Variants in GALNT18 observed in about 807,000 individuals in gnomAD.
The protein encoded by GALNT18 is polypeptide N-acetylgalactosaminyltransferase 18, also known as GalNAc-transferase 18.
Under a neutral mutation model 69.5 loss-of-function variants are expected in GALNT18, and 44 were observed. That is an observed-to-expected ratio of 0.63 (90% CI 0.50 to 0.81). The LOEUF (loss-of-function observed/expected upper bound fraction) is 0.81, where lower values mean the gene tolerates loss of function less well. Ranked by LOEUF, GALNT18 falls within the 40% of genes least tolerant of loss-of-function variation. GALNT18 has a pLI of 0.00. For missense variants in GALNT18, 715 were observed against 810.0 expected, an observed-to-expected ratio of 0.88 and a Z score of 1.42; for synonymous variants, 364 against 318.2, an observed-to-expected ratio of 1.14 and a Z score of -1.53.
chr11:11,335,589 A>C (rs891850795), intron 7 of GALNT18, among the ~76,000 whole-genome samples: 1 of 152,226 alleles, frequency 6.6e-6, no homozygotes, highest in Non-Finnish European at 1.5e-5. Context: ...ATGGGACTTA[A>C]TTTGGAACCA....
rs191610387 is a variant in GALNT18 at position 11,318,552 on chromosome 11, C to T, written c.1512+8534G>A. Among the ~76,000 whole-genome samples, 52 of 152,282 alleles carry T rather than the reference C, an allele frequency of 3.4e-4. No homozygotes were observed. The highest frequency in any genetic ancestry group is 1.2e-3 in the African/African-American group (49 of 41,568). On this transcript the variant is annotated intron_variant, in intron 9 of 10. Transcript: ENST00000227756. The surrounding 1 kb of genome is among the most constrained non-coding windows in gnomAD (Gnocchi z 5.1). Reference sequence around the variant, plus strand: ...CTGAGACCGATCTCGAACTTCTAGGCTTCAGAATTGTGAGACAGTAATTTT... The same window carrying T: ...CTGAGACCGATCTCGAACTTCTAGGTTTCAGAATTGTGAGACAGTAATTTT...
rs1858555339 is a variant in GALNT18 at position 11,563,101 on chromosome 11, A to G, written c.235+58258T>C. 6.6e-6 allele frequency among the ~76,000 whole-genome samples: 1 copy of G among 152,084 alleles called. No homozygotes were observed. Among genetic ancestry groups the G allele is most frequent in the Admixed American group, 6.5e-5 (1 of 15,274 alleles). ...GCAAACAAGACTCCTCCAGCCCAGGAGGTGACCCCCCACCACACCCCACAG... is the reference window on the plus strand; with the variant it reads ...GCAAACAAGACTCCTCCAGCCCAGGGGGTGACCCCCCACCACACCCCACAG... On this transcript the variant is annotated intron_variant, in intron 1 of 10. Coordinates refer to ENST00000227756, the MANE Select transcript of GALNT18 (RefSeq NM_198516.3). The surrounding 1 kb of genome is among the most constrained non-coding windows in gnomAD (Gnocchi z 4.6).
At chr11:11,391,356 T>C (rs950282385) in intron 3 of GALNT18, among the ~76,000 whole-genome samples, 20 of 152,368 alleles carry the variant, frequency 1.3e-4, no homozygotes, top group African/African-American at 4.8e-4. Context: ...ACCCATTTTA[T>C]AGATGAGAAA....
intron 1 of GALNT18, among the ~76,000 whole-genome samples, chr11:11,608,491 C>T (rs182612876): frequency 3.6e-4 from 55 of 152,180 alleles, no homozygotes; most frequent in South Asian, 1.7e-3. Context: ...TCCTGAGTAG[C>T]CAGGATTACA....
At chr11:11,362,488 T>C (rs1033181534) in intron 6 of GALNT18, among the ~76,000 whole-genome samples, 71 of 152,030 alleles carry the variant, frequency 4.7e-4, no homozygotes, top group Non-Finnish European at 7.8e-4. Flanking sequence ...ATTCTAAAAA[T>C]AGAGAGAAGA....
chr11:11,394,983 T>C (rs1405748983), intron 3 of GALNT18, among the ~76,000 whole-genome samples: 1 of 152,210 alleles, frequency 6.6e-6, no homozygotes, highest in Non-Finnish European at 1.5e-5. Context: ...AGGGACCCAG[T>C]CTGAAGACAA....
In GALNT18 at chr11:11,609,782, C is replaced by A. The variant is rs1859851240; in HGVS notation, c.235+11577G>T. Among the ~76,000 whole-genome samples the A allele has an allele frequency of 2.6e-5, 4 of 152,208 alleles. No individual in the cohort carries two copies. In the South Asian group the frequency reaches 6.2e-4, roughly 24 times the overall value. ...AACTGCCCAATAGCTAGGGGCCCACCATTTCATACGTTTAACTCCAAATAT... is the reference window on the plus strand; with the variant it reads ...AACTGCCCAATAGCTAGGGGCCCACAATTTCATACGTTTAACTCCAAATAT... On this transcript the variant is annotated intron_variant, in intron 1 of 10. Coordinates refer to ENST00000227756, the MANE Select transcript of GALNT18 (RefSeq NM_198516.3).
chr11:11,412,980 G>T (rs1262722066), intron 3 of GALNT18, among the ~76,000 whole-genome samples: 1 of 152,112 alleles, frequency 6.6e-6, no homozygotes, highest in Non-Finnish European at 1.5e-5. Flanking sequence ...TCTCAAGGGG[G>T]ATCATTCTAA....
intron 1 of GALNT18, among the ~76,000 whole-genome samples, chr11:11,529,954 G>A (rs192699505): frequency 3.3e-5 from 5 of 152,228 alleles, no homozygotes; most frequent in African/African-American, 1.2e-4. Context: ...TCAGAGTCTG[G>A]ACCTCAGCAC....
At chr11:11,506,600 C>T (rs1444800701) in intron 1 of GALNT18, among the ~76,000 whole-genome samples, 3 of 152,230 alleles carry the variant, frequency 2.0e-5, no homozygotes, top group Middle Eastern at 3.4e-3. Context: ...TATTGATTCC[C>T]GTCATTGCTA....
chr11:11,448,805 T>G lies in GALNT18; in HGVS notation c.367A>C (p.Asn123His). Reference sequence around the variant, plus strand: ...GGCAGGCGGTCGCTGAGGTAGGCGTTGTAGCCGTAGTACTGGAATTGCTTC... The same window carrying G: ...GGCAGGCGGTCGCTGAGGTAGGCGTGGTAGCCGTAGTACTGGAATTGCTTC... The part of the protein sequence containing the change: ...ALKQFQYYGY[N>H]AYLSDRLPLD... The change falls in exon 2 of 11, where the codon AAC (asparagine) becomes CAC (histidine). Residue 123 changes from asparagine (N) to histidine (H), a missense_variant. Physicochemically the swap from Asn to His is moderately conservative, Grantham distance 68. Coordinates refer to ENST00000227756, the MANE Select transcript of GALNT18 (RefSeq NM_198516.3). 6.2e-7 allele frequency: 1 copy of G among 1,613,186 alleles called. No homozygotes were observed. The highest frequency in any genetic ancestry group is 8.5e-7 in the Non-Finnish European group (1 of 1,179,854).
rs1268029587 is a variant in GALNT18 at position 11,586,524 on chromosome 11, C to T, written c.235+34835G>A. On this transcript the variant is annotated intron_variant, in intron 1 of 10. Coordinates refer to ENST00000227756, the MANE Select transcript of GALNT18 (RefSeq NM_198516.3). This position sits in a 1 kb window ranked among gnomAD's most constrained non-coding sequence, Gnocchi z 4.1. ...CCATAACTAGCCCCAGTTTCAGCCT[C>T]TGTGAAGTGAGATCTTCCCTGTTGA... is the stretch of plus-strand genomic sequence containing the variant. Among the ~76,000 whole-genome samples, 1 of 152,156 alleles carries T rather than the reference C, an allele frequency of 6.6e-6. No individual in the cohort carries two copies. Among genetic ancestry groups the T allele is most frequent in the Non-Finnish European group, 1.5e-5 (1 of 68,028 alleles).
rs114440426 is a variant in GALNT18, at chr11:11,458,864, G to A, written c.236-9928C>T. Reference sequence around the variant, plus strand: ...CAGCCAAAGCCAGGCACTGAGACCCGTGGAAAGCTGGCTGGTCTGGGAGAC... The same window carrying A: ...CAGCCAAAGCCAGGCACTGAGACCCATGGAAAGCTGGCTGGTCTGGGAGAC... On this transcript the variant is annotated intron_variant, in intron 1 of 10. Transcript: ENST00000227756. Among the ~76,000 whole-genome samples the A allele has an allele frequency of 9.5e-3, 1,448 of 152,316 alleles. 25 individuals are homozygous for A. The highest frequency in any genetic ancestry group is 0.033 in the African/African-American group (1,357 of 41,568).
At chr11:11,539,445 A>C (rs369400742) in intron 1 of GALNT18, among the ~76,000 whole-genome samples, 134 of 152,318 alleles carry the variant, frequency 8.8e-4, no homozygotes, top group Middle Eastern at 3.4e-3. Context: ...CCACCCTTCC[A>C]GAGAGCTGTC....
intron 3 of GALNT18, among the ~76,000 whole-genome samples, chr11:11,419,465 C>T (rs556472031): frequency 1.7e-4 from 26 of 151,746 alleles, no homozygotes; most frequent in East Asian, 5.8e-4. Flanking sequence ...GGCATGGTAG[C>T]GCACGCCTGT....
At chr11:11,442,522 A>T (rs1855552540) in intron 2 of GALNT18, among the ~76,000 whole-genome samples, 1 of 152,086 alleles carries the variant, frequency 6.6e-6, no homozygotes, top group African/African-American at 2.4e-5. Context: ...CTGTTAAAAC[A>T]ATCTTGCCCA....
intron 3 of GALNT18, among the ~76,000 whole-genome samples, chr11:11,409,346 C>T (rs1226849365): frequency 6.6e-6 from 1 of 152,216 alleles, no homozygotes; most frequent in Non-Finnish European, 1.5e-5. Context: ...TGTCCTCCCA[C>T]AGGGCAGGCC....
At chr11:11,375,346 G>A (rs966697082) in intron 5 of GALNT18, among the ~76,000 whole-genome samples, 2 of 152,368 alleles carry the variant, frequency 1.3e-5, no homozygotes, top group Middle Eastern at 3.4e-3. Context: ...TTGAGGTTGA[G>A]ATGACATTGT....
Position 11,276,715 on chromosome 11 carries a change from C to T in GALNT18, c.1678-5425G>A, listed in dbSNP as rs1848956364. Among the ~76,000 whole-genome samples, 5 of 151,636 alleles carry T rather than the reference C, an allele frequency of 3.3e-5. No individual in the cohort carries two copies. In the South Asian group the frequency reaches 1.0e-3, roughly 31 times the overall value. ...TACCTAGTTTATTGAGAGTGTTTGG[C>T]ATGAAGGGGTATTGAATTTTATGGA... On this transcript the variant is annotated intron_variant, in intron 10 of 10. Transcript: ENST00000227756.
Sources: gnomAD v4.1 joint callset for allele counts (sites outside exome capture counted in the v4.1 genomes callset) on GRCh38, gnomAD v4.1.1 for gene constraint, Gnocchi (gnomAD v3.1) non-coding constraint, MANE v1.5 for transcripts, NCBI Gene and HGNC (gene_info 2026-07-23, HGNC 2026-07-21) for gene names.